Variants in MCHR1 observed in about 807,000 individuals in gnomAD.
MCHR1 encodes melanin-concentrating hormone receptor 1.
Under a neutral mutation model 20.4 loss-of-function variants are expected in MCHR1, and 13 were observed. That is an observed-to-expected ratio of 0.64 (90% confidence interval 0.41 to 1.01). The LOEUF (loss-of-function observed/expected upper bound fraction) is 1.01. MCHR1 is among the 50% of genes least tolerant of loss of function. MCHR1 has a pLI of 0.00. For missense variants in MCHR1, 472 were observed against 477.0 expected (o/e 0.99, Z 0.10); for synonymous variants, 215 against 204.4 (o/e 1.05, Z -0.44).
In MCHR1 at chr22:40,681,647, A is replaced by T. The variant is rs772055671; in HGVS notation, c.781A>T (p.Ile261Phe). Residue 261 changes from isoleucine to phenylalanine, a missense_variant, in exon 2 of 2, where the codon ATC becomes TTC. Ile to Phe is a conservative substitution (Grantham distance 21, BLOSUM62 0). Coordinates refer to ENST00000249016, the MANE Select transcript of MCHR1 (RefSeq NM_005297.4). The surrounding 1 kb of genome is among the most constrained non-coding windows in gnomAD (Gnocchi z 4.3). ...GAGGGTGACCCGCACAGCCATCGCC[A>T]TCTGTCTGGTCTTCTTTGTGTGCTG... The part of the protein sequence containing the change: ...TKRVTRTAIA[I>F]CLVFFVCWAP... 2.5e-6 allele frequency: 4 copies of T among 1,614,154 alleles called. No homozygotes were observed. The highest frequency in any genetic ancestry group is 3.4e-6 in the Non-Finnish European group (4 of 1,180,058).
In MCHR1 at chr22:40,679,500, G is replaced by T. The variant is rs202245704; in HGVS notation, c.-153G>T. On this transcript the variant is annotated 5_prime_UTR_variant, in exon 1 of 2. Transcript: ENST00000249016. ...GGGGAGGGCAGTTGGGCTTGGAGGC[G>T]GCAGCGGCTGCCAGGCTACGGAGGA... The T allele has an allele frequency of 2.0e-5, 33 of 1,614,012 alleles. No homozygotes were observed. The highest frequency in any genetic ancestry group is 2.5e-5 in the Non-Finnish European group (30 of 1,180,032).
chr22:40,681,010 C>T lies in MCHR1; in HGVS notation c.144C>T (p.Gly48=), dbSNP rs376015795. Residue 48 remains glycine (G), a synonymous_variant, in exon 2 of 2, where the codon GGC becomes GGT. Transcript: ENST00000249016. The surrounding 1 kb of genome is among the most constrained non-coding windows in gnomAD (Gnocchi z 4.3). ...YINIIMPSVF[G]TICLLGIIGN... is the part of the protein sequence containing the mutation. ...ACATCATCATGCCTTCGGTGTTCGG[C>T]ACCATCTGCCTCCTGGGCATCATCG... is the stretch of plus-strand genomic sequence containing the variant. 1.5e-5 allele frequency: 24 copies of T among 1,614,044 alleles called. No individual in the cohort carries two copies. Among genetic ancestry groups the T allele is most frequent in the Non-Finnish European group, 5.1e-6 (6 of 1,180,024 alleles).
rs764120099 is a variant in MCHR1 at position 40,681,613 on chromosome 22, G to A, written c.747G>A (p.Leu249=). 10 of 1,614,196 alleles carry A rather than the reference G, an allele frequency of 6.2e-6. No individual in the cohort carries two copies. Among genetic ancestry groups the A allele is most frequent in the Non-Finnish European group, 7.6e-6 (9 of 1,180,054 alleles). ...VAPASQRSIR[L]RTKRVTRTAI... is the part of the protein sequence containing the mutation. ...CCGCCTCCCAGCGCAGCATCCGGCT[G>A]CGGACAAAGAGGGTGACCCGCACAG... The change falls in exon 2 of 2, where the codon CTG becomes CTA. Residue 249 remains leucine, a synonymous_variant. Transcript: ENST00000249016. This position sits in a 1 kb window ranked among gnomAD's most constrained non-coding sequence, Gnocchi z 4.3.
In MCHR1 at chr22:40,680,998, T is replaced by C; in HGVS notation, c.132T>C (p.Pro44=). Residue 44 remains proline, a synonymous_variant, in exon 2 of 2, where the codon CCT becomes CCC. Coordinates refer to ENST00000249016, the MANE Select transcript of MCHR1 (RefSeq NM_005297.4). ...TCTCCTACATCAACATCATCATGCC[T>C]TCGGTGTTCGGCACCATCTGCCTCC... The part of the protein sequence containing the change: ...GSISYINIIM[P]SVFGTICLLG... The C allele has an allele frequency of 6.2e-7, 1 of 1,614,120 alleles. No individual in the cohort carries two copies. The highest frequency in any genetic ancestry group is 8.5e-7 in the Non-Finnish European group (1 of 1,180,004).
Sources: gnomAD v4.1 joint callset for allele counts on GRCh38, gnomAD v4.1.1 for gene constraint, Gnocchi (gnomAD v3.1) non-coding constraint, MANE v1.5 for transcripts, NCBI Gene and HGNC (gene_info 2026-07-23, HGNC 2026-07-21) for gene names.